The following ALDH1L1 variants were observed in gnomAD, a reference collection of about 807,000 sequenced individuals.
ALDH1L1 encodes the protein aldehyde dehydrogenase 1 family member L1.
Under a neutral mutation model 101.1 loss-of-function variants are expected in ALDH1L1, and 68 were observed. The ratio of observed to expected loss-of-function variants is 0.67; its 90% CI spans 0.55 to 0.82. The LOEUF is 0.82. Among genes scored for constraint, ALDH1L1 ranks in the 40% least tolerant of loss-of-function variants. ALDH1L1 has a pLI of 0.00. For synonymous variants in ALDH1L1, 486 were observed against 470.8 expected, an observed-to-expected ratio of 1.03 and a Z score of -0.42; for missense variants, 1,087 against 1,172.7, an observed-to-expected ratio of 0.93 and a Z score of 1.07.
intron 14 of ALDH1L1, among the ~76,000 whole-genome samples, chr3:126,127,684 T>C (rs1224890232): frequency 6.6e-6 from 1 of 152,118 alleles, no homozygotes; most frequent in Non-Finnish European, 1.5e-5. Flanking sequence ...GAGGTTGCGG[T>C]GGCACTGGCC....
upstream of ALDH1L1, among the ~76,000 whole-genome samples, chr3:126,183,921 T>C (rs1350680961): frequency 2.6e-5 from 4 of 152,188 alleles, no homozygotes; most frequent in Non-Finnish European, 5.9e-5. Context: ...GGCGAATGTA[T>C]TTTGCATGTG....
chr3:126,152,465 C>T (rs1169990826), intron 7 of ALDH1L1: 8 of 152,316 alleles, frequency 5.3e-5, no homozygotes, highest in East Asian at 1.9e-4. Context: ...CAAAACACTA[C>T]ATTGCAGACA....
At chr3:126,181,180 C>A, upstream of ALDH1L1, 1 of 638,382 alleles carries the variant, frequency 1.6e-6, no homozygotes, top group South Asian at 1.9e-5. Context: ...AGTCCTGGTG[C>A]CGCAGACCCC....
rs114515858 is a variant in ALDH1L1 at position 126,120,103 on chromosome 3, T to C, written c.1889-2005A>G. Among the ~76,000 whole-genome samples the C allele has an allele frequency of 5.5e-3, 834 of 152,358 alleles. 8 individuals are homozygous for C. The highest frequency in any genetic ancestry group is 0.018 in the African/African-American group (763 of 41,580). ...AAAAACCAAATGCACTGTTACCATA[T>C]GATCCAGCAACTGTGCTCCTTGATA... On this transcript the variant is annotated intron_variant, in intron 16 of 22. Coordinates refer to ENST00000393434, the MANE Select transcript of ALDH1L1 (RefSeq NM_012190.4).
upstream of ALDH1L1, chr3:126,180,621 G>A: frequency 7.8e-7 from 1 of 1,278,690 alleles, no homozygotes; most frequent in Non-Finnish European, 1.0e-6. Context: ...TAAGGCCAGA[G>A]CCCGTGAGGG....
chr3:126,146,947 A>G (rs1471038390), intron 8 of ALDH1L1, 21 bp from the exon 9 acceptor site: 2 of 1,610,546 alleles, frequency 1.2e-6, no homozygotes, highest in Non-Finnish European at 8.5e-7. Flanking sequence ...AGACCTGATG[A>G]GAGGCTGGCC....
rs529065696 is a variant in ALDH1L1 at position 126,170,147 on chromosome 3, C to A, written c.-23-9145G>T. Among the ~76,000 whole-genome samples, 18 of 152,180 alleles carry A rather than the reference C, an allele frequency of 1.2e-4. No individual in the cohort carries two copies. In the East Asian group the frequency reaches 3.3e-3, roughly 28 times the overall value. On this transcript the variant is annotated intron_variant, in intron 1 of 22. Coordinates refer to ENST00000393434, the MANE Select transcript of ALDH1L1 (RefSeq NM_012190.4). ...TTGCTCATCTTACTCAGTCTCAACC[C>A]CACCTCACCAAATACTTTTTGTCGT...
chr3:126,105,494 A>C, intron 22 of ALDH1L1: 1 of 566,046 alleles, frequency 1.8e-6, no homozygotes, highest in Non-Finnish European at 3.2e-6. Flanking sequence ...TCCTGGCTGG[A>C]GTGTCTCCTC....
Position 126,146,923 on chromosome 3 carries a change from C to A in ALDH1L1, c.988G>T (p.Val330Phe), listed in dbSNP as rs2886059. Residue 330 changes from valine (V) to phenylalanine (F), a missense_variant, in exon 9 of 23, where the codon GTT (valine) becomes TTT (phenylalanine). By Grantham distance (50) the Val-to-Phe change is conservative. This residue lies in a region of ALDH1L1 where 645 missense variants were observed against 637.0 expected (regional missense o/e 1.01). Transcript: ENST00000393434. Reference protein sequence around the residue: ...ELVTAEAVRSVWQRILPKVLE... With the variant: ...ELVTAEAVRSFWQRILPKVLE... ...ACTTTGGGGAGGATCCGCTGCCAAA[C>A]ACTCTGCAAAGCAAGACCTGATGAG... is the stretch of plus-strand genomic sequence containing the variant. 273,808 of 1,612,746 alleles carry A rather than the reference C, an allele frequency of 0.17. 25,629 individuals are homozygous for A. Among genetic ancestry groups the A allele is most frequent in the African/African-American group, 0.36 (27,325 of 74,926 alleles).
chr3:126,117,651 CAAAA>C (rs75273825), intron 17 of ALDH1L1, among the ~76,000 whole-genome samples: 4 of 137,734 alleles, frequency 2.9e-5, no homozygotes, highest in Middle Eastern at 3.6e-3. Flanking sequence ...GACCCTGTCT[CAAAA>C]AAAAAAACAA....
intron 1 of ALDH1L1, among the ~76,000 whole-genome samples, chr3:126,175,396 C>T (rs1034907017): frequency 3.9e-5 from 6 of 151,946 alleles, no homozygotes; most frequent in African/African-American, 1.2e-4. Flanking sequence ...GGTACCAAAA[C>T]CAGAAACATT....
At chr3:126,115,159 C>G (rs1451331257) in intron 17 of ALDH1L1, 3 of 443,434 alleles carry the variant, frequency 6.8e-6, no homozygotes, top group South Asian at 3.2e-5. Flanking sequence ...AAAACAGCAC[C>G]ATCCGCTGGC....
intron 14 of ALDH1L1, 25 bp downstream of exon 14, chr3:126,130,198 C>T: frequency 6.3e-7 from 1 of 1,590,046 alleles, no homozygotes; most frequent in African/African-American, 1.3e-5. Flanking sequence ...CGCGAGGCTG[C>T]ACCTCGCCCT....
In ALDH1L1 at chr3:126,136,825, C is replaced by A; in HGVS notation, c.1283G>T (p.Gly428Val). The A allele has an allele frequency of 6.2e-7, 1 of 1,609,688 alleles. No individual in the cohort carries two copies. Among genetic ancestry groups the A allele is most frequent in the East Asian group, 2.2e-5 (1 of 44,790 alleles). ...VRMPHQLFIG[G>V]EFVDAEGAKT... ...GGCGCCCTCGGCATCCACGAACTCC[C>A]CCCCAATGAAGAGCTGGTGGGGCAT... is the stretch of plus-strand genomic sequence containing the variant. The change falls in exon 11 of 23, where the codon GGG becomes GTG. Residue 428 changes from glycine to valine, a missense_variant. Around this residue, in one of 2 missense-constraint regions of ALDH1L1, gnomAD observed 645 missense variants for 637.0 expected, o/e 1.01. Transcript: ENST00000393434.
intron 19 of ALDH1L1, chr3:126,110,383 G>A (rs1391505053): frequency 1.0e-5 from 5 of 497,502 alleles, no homozygotes; most frequent in Non-Finnish European, 1.8e-5. Flanking sequence ...GAGGAGGACA[G>A]AGGCCGGCAT....
At chr3:126,142,354 G>A (rs981343216) in intron 9 of ALDH1L1, among the ~76,000 whole-genome samples, 26 of 152,284 alleles carry the variant, frequency 1.7e-4, no homozygotes, top group African/African-American at 6.0e-4. Context: ...TAAGGCCAGC[G>A]TTTACTCTGA....
chr3:126,144,579 G>T (rs1559947488), intron 9 of ALDH1L1, among the ~76,000 whole-genome samples: 2 of 152,152 alleles, frequency 1.3e-5, no homozygotes, highest in South Asian at 4.1e-4. Context: ...TTCAACAAGG[G>T]TGCCAAGAAT....
At chr3:126,142,759 T>C (rs1023248668) in intron 9 of ALDH1L1, among the ~76,000 whole-genome samples, 2 of 152,184 alleles carry the variant, frequency 1.3e-5, no homozygotes, top group African/African-American at 4.8e-5. Context: ...ACTGAAAGCC[T>C]TTCCCCTGAG....
chr3:126,138,729 C>T (rs1220715991), intron 9 of ALDH1L1, among the ~76,000 whole-genome samples: 1 of 152,198 alleles, frequency 6.6e-6, no homozygotes, highest in Non-Finnish European at 1.5e-5. Flanking sequence ...CAGTTTAGCA[C>T]TTTCTAAAGA....
Sources: gnomAD v4.1 joint callset for allele counts (sites outside exome capture counted in the v4.1 genomes callset) on GRCh38, gnomAD v4.1.1 for gene constraint, gnomAD v4.1.1 regional missense constraint, MANE v1.5 for transcripts, NCBI Gene and HGNC (gene_info 2026-07-23, HGNC 2026-07-21) for gene names.